Variants in CACNA2D3 observed in about 807,000 individuals in gnomAD.
CACNA2D3 encodes calcium voltage-gated channel auxiliary subunit alpha2delta 3.
CACNA2D3 carries 60 observed loss-of-function variants against 160.6 expected under a neutral mutation model. The observed-to-expected ratio is 0.37, with a 90% confidence interval of 0.30 to 0.46. The LOEUF (loss-of-function observed/expected upper bound fraction) is 0.46. Ranked by LOEUF, CACNA2D3 falls within the 20% of genes least tolerant of loss-of-function variation. CACNA2D3 has a pLI of 1.00. For missense variants in CACNA2D3, 1,205 were observed against 1,365.0 expected, an observed-to-expected ratio of 0.88 and a Z score of 1.85; for synonymous variants, 558 against 492.9, an observed-to-expected ratio of 1.13 and a Z score of -1.75.
intron 27 of CACNA2D3, among the ~76,000 whole-genome samples, chr3:54,935,006 G>A (rs919593462): frequency 6.6e-6 from 1 of 152,214 alleles, no homozygotes; most frequent in Non-Finnish European, 1.5e-5. Flanking sequence ...CCAAAGTGCT[G>A]GGACTGCAGG....
intron 3 of CACNA2D3, among the ~76,000 whole-genome samples, chr3:54,332,053 A>C (rs1704278300): frequency 1.3e-5 from 2 of 152,208 alleles, no homozygotes; most frequent in African/African-American, 4.8e-5. Flanking sequence ...TGTGGCACTT[A>C]TCTCTCTGCG....
intron 4 of CACNA2D3, among the ~76,000 whole-genome samples, chr3:54,421,462 C>G (rs1035691456): frequency 3.3e-5 from 5 of 152,018 alleles, no homozygotes; most frequent in African/African-American, 1.2e-4. Context: ...GCTTAATAGA[C>G]TAAAGAGGGG....
intron 14 of CACNA2D3, among the ~76,000 whole-genome samples, chr3:54,824,652 A>G (rs1272238906): frequency 6.6e-6 from 1 of 152,154 alleles, no homozygotes; most frequent in East Asian, 1.9e-4. Flanking sequence ...ATATGGACCC[A>G]GGATACATCG....
At chr3:54,147,655 G>A (rs1332989730) in intron 2 of CACNA2D3, among the ~76,000 whole-genome samples, 1 of 152,240 alleles carries the variant, frequency 6.6e-6, no homozygotes, top group Non-Finnish European at 1.5e-5. Flanking sequence ...ATGCTTGTGA[G>A]ATTTTGGTGA....
intron 35 of CACNA2D3, among the ~76,000 whole-genome samples, chr3:55,037,938 C>T (rs1462517044): frequency 2.0e-5 from 3 of 152,192 alleles, no homozygotes; most frequent in Non-Finnish European, 2.9e-5. Context: ...TGAGCACCAG[C>T]GATTAAAAAT....
chr3:54,338,581 C>T lies in CACNA2D3; in HGVS notation c.321+18023C>T, dbSNP rs113441484. 6.4e-3 allele frequency among the ~76,000 whole-genome samples: 967 copies of T among 151,634 alleles called. 11 individuals are homozygous for T. Among genetic ancestry groups the T allele is most frequent in the African/African-American group, 0.022 (890 of 41,292 alleles). On this transcript the variant is annotated intron_variant, in intron 3 of 37. Transcript: ENST00000474759. ...ATGACACCTGTCTTCAGCAATCAGT[C>T]GCTTACAGATACTGTCTTTCTGGCA...
chr3:54,173,699 G>A (rs1230330072), intron 2 of CACNA2D3, among the ~76,000 whole-genome samples: 4 of 152,218 alleles, frequency 2.6e-5, no homozygotes, highest in Admixed American at 6.5e-5. Context: ...GATTGAACAG[G>A]TGTTGTTTGG....
intron 31 of CACNA2D3, among the ~76,000 whole-genome samples, chr3:54,989,390 A>C (rs1702689371): frequency 6.6e-6 from 1 of 152,152 alleles, no homozygotes; most frequent in Non-Finnish European, 1.5e-5. Context: ...AGAGTAGCCA[A>C]CATATTTGAG....
intron 29 of CACNA2D3, among the ~76,000 whole-genome samples, chr3:54,977,070 G>T (rs534385833): frequency 5.3e-5 from 8 of 152,190 alleles, no homozygotes; most frequent in Non-Finnish European, 1.0e-4. Context: ...ATTTTCCAAA[G>T]AAACAAATGG....
intron 27 of CACNA2D3, among the ~76,000 whole-genome samples, chr3:54,959,271 G>C (rs544840158): frequency 6.6e-6 from 1 of 152,176 alleles, no homozygotes; most frequent in African/African-American, 2.4e-5. Flanking sequence ...ACAGTTCCCT[G>C]TCAGCTCTGG....
At chr3:54,666,886 C>T (rs1314740798) in intron 11 of CACNA2D3, among the ~76,000 whole-genome samples, 2 of 152,168 alleles carry the variant, frequency 1.3e-5, no homozygotes, top group Non-Finnish European at 2.9e-5. Context: ...CTCTGTCTGG[C>T]TCGTCACCTG....
chr3:54,634,094 G>C (rs1699308000), intron 10 of CACNA2D3, among the ~76,000 whole-genome samples: 1 of 152,182 alleles, frequency 6.6e-6, no homozygotes, highest in African/African-American at 2.4e-5. Flanking sequence ...AGATGTCTAA[G>C]TGCCTGAAGA....
At chr3:54,867,450 A>G (rs1309166328) in intron 17 of CACNA2D3, among the ~76,000 whole-genome samples, 1 of 152,136 alleles carries the variant, frequency 6.6e-6, no homozygotes, top group Non-Finnish European at 1.5e-5. Context: ...TTCATTTGAA[A>G]AGAAAAAAAT....
intron 17 of CACNA2D3, among the ~76,000 whole-genome samples, chr3:54,869,135 G>A (rs1247089613): frequency 2.0e-5 from 3 of 152,126 alleles, no homozygotes; most frequent in Admixed American, 6.5e-5. Flanking sequence ...TTTTGAGGAC[G>A]AAGGAACATT....
intron 2 of CACNA2D3, among the ~76,000 whole-genome samples, chr3:54,138,297 G>C (rs1355311579): frequency 6.6e-6 from 1 of 152,252 alleles, no homozygotes; most frequent in Non-Finnish European, 1.5e-5. Flanking sequence ...TGGAAGGCCA[G>C]AGAGAGGAAA....
intron 2 of CACNA2D3, among the ~76,000 whole-genome samples, chr3:54,300,229 G>T (rs1484935013): frequency 6.6e-6 from 1 of 152,212 alleles, no homozygotes; most frequent in Non-Finnish European, 1.5e-5. Flanking sequence ...ACAGAGGAGT[G>T]TTTTGGGACT....
chr3:54,813,650 A>G (rs887536110), intron 13 of CACNA2D3, among the ~76,000 whole-genome samples: 2 of 152,100 alleles, frequency 1.3e-5, no homozygotes, highest in Non-Finnish European at 2.9e-5. Context: ...TAACAAGGGA[A>G]GTACCAGTCA....
chr3:54,281,201 A>G (rs1702871554), intron 2 of CACNA2D3, among the ~76,000 whole-genome samples: 1 of 152,222 alleles, frequency 6.6e-6, no homozygotes, highest in Non-Finnish European at 1.5e-5. Flanking sequence ...TCCATTAGGC[A>G]TAAGGCGATG....
chr3:54,166,871 G>A (rs938314544), intron 2 of CACNA2D3, among the ~76,000 whole-genome samples: 1 of 152,148 alleles, frequency 6.6e-6, no homozygotes, highest in Non-Finnish European at 1.5e-5. Context: ...ATTTACATTG[G>A]ACTGATGATA....
Sources: gnomAD v4.1 joint callset for allele counts (sites outside exome capture counted in the v4.1 genomes callset) on GRCh38, gnomAD v4.1.1 for gene constraint, MANE v1.5 for transcripts, NCBI Gene and HGNC (gene_info 2026-07-23, HGNC 2026-07-21) for gene names.